FHIP1B: variants seen among roughly 807,000 people sequenced by gnomAD.
FHIP1B encodes FHF complex subunit HOOK-interacting protein 1B.
In FHIP1B, 28 loss-of-function variants were observed where a neutral mutation model predicts 82.2. That is an observed-to-expected ratio of 0.34 (90% CI 0.25 to 0.47). The LOEUF (loss-of-function observed/expected upper bound fraction) is 0.47. Among genes scored for constraint, FHIP1B ranks in the 20% least tolerant of loss-of-function variants. FHIP1B has a pLI of 1.00. For missense variants in FHIP1B, 1,110 were observed against 1,262.6 expected (o/e 0.88, Z 1.83); for synonymous variants, 585 against 516.1 (o/e 1.13, Z -1.81).
chr11:6,219,135 C>A, intron 6 of FHIP1B, 85 bp from the exon 7 acceptor site: 1 of 1,053,598 alleles, frequency 9.5e-7, no homozygotes, highest in South Asian at 1.4e-5. Flanking sequence ...CCCACCAGCC[C>A]CAAGTTGGCC....
At chr11:6,233,907 G>T (rs1268908615) in intron 1 of FHIP1B, among the ~76,000 whole-genome samples, 2 of 152,184 alleles carry the variant, frequency 1.3e-5, no homozygotes, top group African/African-American at 2.4e-5. Context: ...TTACTCTGTT[G>T]AAGTCTGAGC....
chr11:6,220,532 A>C (rs1847377988), intron 6 of FHIP1B, among the ~76,000 whole-genome samples: 1 of 152,244 alleles, frequency 6.6e-6, no homozygotes, highest in Non-Finnish European at 1.5e-5. Flanking sequence ...TTCAAGGCAC[A>C]CAAGGCAGGC....
chr11:6,215,800 G>C (rs1318143213), intron 9 of FHIP1B, among the ~76,000 whole-genome samples: 1 of 152,184 alleles, frequency 6.6e-6, no homozygotes, highest in East Asian at 1.9e-4. Context: ...CAGTCCTTCT[G>C]ATTAGGGATT....
chr11:6,218,481 G>A, intron 8 of FHIP1B, 119 bp downstream of exon 8: 1 of 1,467,976 alleles, frequency 6.8e-7, no homozygotes, highest in Non-Finnish European at 9.3e-7. Flanking sequence ...CCCAAAGACA[G>A]ACTATCATTC....
At chr11:6,218,176 A>G in intron 8 of FHIP1B, 26 bp from the exon 9 acceptor site, 1 of 1,591,624 alleles carries the variant, frequency 6.3e-7, no homozygotes, top group Non-Finnish European at 8.6e-7. Flanking sequence ...ATATAAGAGA[A>G]ATCAAGGAGA....
At chr11:6,213,189 G>A (rs1425135136) in intron 11 of FHIP1B, among the ~76,000 whole-genome samples, 1 of 152,172 alleles carries the variant, frequency 6.6e-6, no homozygotes, top group African/African-American at 2.4e-5. Flanking sequence ...AACTTTACCT[G>A]AGACTTCACA....
At chr11:6,232,927 G>C (rs1264467133) in intron 1 of FHIP1B, among the ~76,000 whole-genome samples, 1 of 151,942 alleles carries the variant, frequency 6.6e-6, no homozygotes, top group Non-Finnish European at 1.5e-5. Flanking sequence ...CAAAAGAATA[G>C]GAATGATAAT....
intron 9 of FHIP1B, 42 bp downstream of exon 9, chr11:6,217,329 C>T (rs755460531): frequency 6.4e-7 from 1 of 1,561,218 alleles, no homozygotes; most frequent in Admixed American, 1.7e-5. Context: ...CGAGAACATG[C>T]AAAGAGTACA....
chr11:6,223,030 C>CG lies in FHIP1B; in HGVS notation c.936+49_936+50insC. 1.3e-6 allele frequency: 2 copies of CG among 1,575,422 alleles called. No individual in the cohort carries two copies. The highest frequency in any genetic ancestry group is 1.7e-6 in the Non-Finnish European group (2 of 1,160,494). On this transcript the variant is annotated intron_variant, in intron 4 of 11. Transcript: ENST00000449352. The surrounding 1 kb of genome is among the most constrained non-coding windows in gnomAD (Gnocchi z 4.8). ...GACAGAACTCCAGGGAATATACCCC[C>CG]TCCTACCTAATCTCCCAAAAATGAC...
rs759021696 is a variant in FHIP1B at position 6,217,744 on chromosome 11, C to G, written c.1842G>C (p.Leu614=). 1 of 1,605,460 alleles carries G rather than the reference C, an allele frequency of 6.2e-7. No homozygotes were observed. Among genetic ancestry groups the G allele is most frequent in the Non-Finnish European group, 8.5e-7 (1 of 1,175,264 alleles). Residue 614 remains leucine, a synonymous_variant, in exon 9 of 12, where the codon CTG becomes CTC. Transcript: ENST00000449352. ...CACCCCCAGCCCGCCCCCTCCTCCC[C>G]AGCTCTTCCTCCTCCCCTTCCCCCA... ...NNVGEGEEEE[L]GRRGRAGGAG... is the part of the protein sequence containing the mutation.
intron 1 of FHIP1B, among the ~76,000 whole-genome samples, chr11:6,231,968 T>C (rs757780077): frequency 1.3e-5 from 2 of 152,226 alleles, no homozygotes; most frequent in East Asian, 1.9e-4. Flanking sequence ...ACAGACTATA[T>C]GTTGAAGAAG....
rs749441839 is a variant in FHIP1B at position 6,217,582 on chromosome 11, C to T, written c.2004G>A (p.Met668Ile). Residue 668 changes from methionine (M) to isoleucine (I), a missense_variant, in exon 9 of 12, where the codon ATG (methionine) becomes ATA (isoleucine). By Grantham distance (10) the Met-to-Ile change is conservative. This residue lies in a region of FHIP1B where 418 missense variants were observed against 371.4 expected (regional missense o/e 1.13). Coordinates refer to ENST00000449352, the MANE Select transcript of FHIP1B (RefSeq NM_001098794.2). ...CCTGCCCAAAGCCCTCTAGTCCTGC[C>T]ATGCCCTCGGAGATGCCCTCTAGCA... ...GELLEGISEG[M>I]AGLEGFGQEL... 6.2e-7 allele frequency: 1 copy of T among 1,612,502 alleles called. No homozygotes were observed. Among genetic ancestry groups the T allele is most frequent in the Non-Finnish European group, 8.5e-7 (1 of 1,179,154 alleles).
At chr11:6,231,904 G>A (rs1049677115) in intron 1 of FHIP1B, among the ~76,000 whole-genome samples, 4 of 152,236 alleles carry the variant, frequency 2.6e-5, no homozygotes, top group Middle Eastern at 6.8e-3. Flanking sequence ...TTGAGAGCTC[G>A]GATGACCATG....
chr11:6,218,839 T>C, intron 7 of FHIP1B, 76 bp from the exon 8 acceptor site: 9 of 1,571,200 alleles, frequency 5.7e-6, no homozygotes, highest in Non-Finnish European at 6.1e-6. Flanking sequence ...ATCAGGCCAA[T>C]GAAACTGCAT....
At chr11:6,231,611 C>CA (rs1380076311) in intron 1 of FHIP1B, among the ~76,000 whole-genome samples, 4 of 151,678 alleles carry the variant, frequency 2.6e-5, no homozygotes, top group Admixed American at 2.6e-4. Context: ...GCCAGGACCA[C>CA]AAGTATGTGC....
chr11:6,228,153 G>A (rs1475450380), intron 1 of FHIP1B, among the ~76,000 whole-genome samples: 1 of 152,168 alleles, frequency 6.6e-6, no homozygotes, highest in African/African-American at 2.4e-5. Flanking sequence ...TTTGAGACCA[G>A]CCTGACCAAC....
chr11:6,218,962 A>G lies in FHIP1B; in HGVS notation c.1271+9T>C, dbSNP rs1435257976. On this transcript the variant is annotated intron_variant, in intron 7 of 11. Transcript: ENST00000449352. ...GTCAGCCATCCCTCAGCCCTGCCCC[A>G]ACAGATACCTGAGAACCAGCTGCAG... The G allele has an allele frequency of 6.2e-7, 1 of 1,613,976 alleles. No homozygotes were observed. Among genetic ancestry groups the G allele is most frequent in the South Asian group, 1.1e-5 (1 of 91,056 alleles).
rs1315343432 is a variant in FHIP1B at position 6,218,056 on chromosome 11, G to A, written c.1530C>T (p.Ser510=). ...SRLALFLRQQ[S]LGGSESPGPA... is the part of the protein sequence containing the mutation. ...GGCCTGGAGACTCAGAGCCACCCAG[G>A]CTCTGCTGCCGCAGGAAGAGAGCCA... Residue 510 remains serine, a synonymous_variant, in exon 9 of 12, where the codon AGC becomes AGT. Transcript: ENST00000449352. The A allele has an allele frequency of 1.9e-6, 3 of 1,613,384 alleles. No homozygotes were observed. In the Admixed American group the frequency reaches 5.0e-5, roughly 27 times the overall value.
At chr11:6,228,036 A>C (rs1847606541) in intron 1 of FHIP1B, among the ~76,000 whole-genome samples, 1 of 152,220 alleles carries the variant, frequency 6.6e-6, no homozygotes, top group Admixed American at 6.5e-5. Flanking sequence ...CAGGAAATTC[A>C]GTAAAATGAG....
Sources: gnomAD v4.1 joint callset for allele counts (sites outside exome capture counted in the v4.1 genomes callset) on GRCh38, gnomAD v4.1.1 for gene constraint, gnomAD v4.1.1 regional missense constraint, Gnocchi (gnomAD v3.1) non-coding constraint, MANE v1.5 for transcripts, NCBI Gene and HGNC (gene_info 2026-07-23, HGNC 2026-07-21) for gene names.